Variants in LMX1A observed in about 807,000 individuals in gnomAD.
LMX1A encodes LIM homeobox transcription factor 1-alpha.
Under a neutral mutation model 49.1 loss-of-function variants are expected in LMX1A, and 15 were observed. That is an observed-to-expected ratio of 0.31 (90% confidence interval 0.20 to 0.47). The LOEUF (loss-of-function observed/expected upper bound fraction) is 0.47, where lower values mean the gene tolerates loss of function less well. Among genes scored for constraint, LMX1A ranks in the 20% least tolerant of loss-of-function variants. LMX1A has a pLI of 1.00. For missense variants in LMX1A, 372 were observed against 475.8 expected (o/e 0.78, Z 2.03); for synonymous variants, 167 against 185.7 (o/e 0.90, Z 0.82).
intron 4 of LMX1A, among the ~76,000 whole-genome samples, chr1:165,230,696 C>T (rs555044191): frequency 3.8e-4 from 58 of 152,324 alleles, no homozygotes; most frequent in Admixed American, 2.0e-3. Context: ...TCTAGACTAA[C>T]AATTTCACAT....
At chr1:165,275,233 G>A (rs1423794242) in intron 3 of LMX1A, among the ~76,000 whole-genome samples, 8 of 152,192 alleles carry the variant, frequency 5.3e-5, no homozygotes, top group Admixed American at 5.2e-4. Flanking sequence ...ACAGCCCCGA[G>A]TCCTAGGCTG....
At chr1:165,208,926 C>T (rs141397558) in intron 6 of LMX1A, among the ~76,000 whole-genome samples, 3,833 of 152,286 alleles carry the variant, frequency 0.025, 162 homozygotes, top group African/African-American at 0.087. Flanking sequence ...GGATTACAAG[C>T]GTGAGCCACC....
intron 4 of LMX1A, among the ~76,000 whole-genome samples, chr1:165,217,150 G>A (rs1651670624): frequency 6.6e-6 from 1 of 152,182 alleles, no homozygotes; most frequent in Admixed American, 6.5e-5. Flanking sequence ...TAGCCAACAT[G>A]TAGAGCTGGT....
rs906879791 is a variant in LMX1A, at chr1:165,311,456, G to A, written c.263+41620C>T. Among the ~76,000 whole-genome samples the A allele has an allele frequency of 1.1e-4, 16 of 152,258 alleles. No homozygotes were observed. In the East Asian group the frequency reaches 3.1e-3, roughly 29 times the overall value. On this transcript the variant is annotated intron_variant, in intron 3 of 8. Transcript: ENST00000342310. ...AGGGATGACACGACAGGAGTGGCCT[G>A]CCCCTCAGAACCCCAGGTACTGCAG...
intron 3 of LMX1A, among the ~76,000 whole-genome samples, chr1:165,331,622 G>A (rs1287632482): frequency 1.3e-5 from 2 of 152,116 alleles, no homozygotes; most frequent in Non-Finnish European, 2.9e-5. Context: ...CAAATCTAAA[G>A]AACACAAGGT....
chr1:165,210,902 T>C (rs115716247), intron 5 of LMX1A, 126 bp from the exon 6 acceptor site: 9,930 of 511,876 alleles, frequency 0.019, 133 homozygotes, highest in Non-Finnish European at 0.026. Context: ...TAGTTTTTAA[T>C]GTTGAGCATA....
intron 3 of LMX1A, among the ~76,000 whole-genome samples, chr1:165,289,514 TAA>T (rs1654400022): frequency 6.6e-6 from 1 of 152,224 alleles, no homozygotes; most frequent in Admixed American, 6.5e-5. Flanking sequence ...TCTCCCATAA[TAA>T]GTTTAAAGTA....
intron 3 of LMX1A, among the ~76,000 whole-genome samples, chr1:165,266,099 G>C (rs890695963): frequency 6.6e-6 from 1 of 152,174 alleles, no homozygotes; most frequent in African/African-American, 2.4e-5. Flanking sequence ...AAACACACTA[G>C]GGGAAAATCC....
intron 3 of LMX1A, among the ~76,000 whole-genome samples, chr1:165,291,946 C>T (rs1445981852): frequency 1.3e-5 from 2 of 151,118 alleles, no homozygotes; most frequent in African/African-American, 2.4e-5. Flanking sequence ...CTTGTAGTCC[C>T]AGCTACACGG....
rs1352785080 is a variant in LMX1A at position 165,203,688 on chromosome 1, A to AAAGAGTCCATAAACTCTTATGG, written c.*191_*192insCCATAAGAGTTTATGGACTCTT. The AAAGAGTCCATAAACTCTTATGG allele has an allele frequency of 4.1e-6, 2 of 489,992 alleles. No homozygotes were observed. Among genetic ancestry groups the AAAGAGTCCATAAACTCTTATGG allele is most frequent in the Non-Finnish European group, 7.4e-6 (2 of 271,838 alleles). 30.4% of individuals were successfully genotyped at this position (489,992 alleles called of 1,614,324 possible). The stretch of plus-strand genomic sequence containing the variant: ...GCTAAGACTCTTATTAGAAACATTA[A>AAAGAGTCCATAAACTCTTATGG]ACTATGCAATCCATAATGTATTCAG... On this transcript the variant is annotated 3_prime_UTR_variant, in exon 9 of 9. Coordinates refer to ENST00000342310, the MANE Select transcript of LMX1A (RefSeq NM_177398.4).
chr1:165,232,194 A>T (rs140993853), intron 4 of LMX1A, among the ~76,000 whole-genome samples: 1 of 152,194 alleles, frequency 6.6e-6, no homozygotes, highest in Non-Finnish European at 1.5e-5. Flanking sequence ...AGACCAGGGT[A>T]TGGAGAAGCT....
chr1:165,229,904 G>C (rs116592031), intron 4 of LMX1A, among the ~76,000 whole-genome samples: 2,173 of 152,290 alleles, frequency 0.014, 46 homozygotes, highest in African/African-American at 0.044. Flanking sequence ...GTTATGGACT[G>C]AAGGTTTGTG....
intron 3 of LMX1A, among the ~76,000 whole-genome samples, chr1:165,296,845 T>C (rs1654635259): frequency 6.6e-6 from 1 of 152,250 alleles, no homozygotes; most frequent in Non-Finnish European, 1.5e-5. Context: ...ATTGTGTATA[T>C]TACAAGAAAG....
intron 3 of LMX1A, among the ~76,000 whole-genome samples, chr1:165,254,566 A>T (rs921047732): frequency 7.9e-5 from 12 of 152,188 alleles, no homozygotes; most frequent in Non-Finnish European, 2.9e-5. Context: ...TGCCAGATGT[A>T]TACACAGCTG....
Position 165,356,389 on chromosome 1 carries a change from G to A in LMX1A, c.-57C>T, listed in dbSNP as rs1336288568. The A allele has an allele frequency of 1.3e-5, 2 of 152,224 alleles. No individual in the cohort carries two copies. The highest frequency in any genetic ancestry group is 2.9e-5 in the Non-Finnish European group (2 of 68,036). 9.4% of individuals were successfully genotyped at this position (152,224 alleles called of 1,614,324 possible). ...GAGCTCTCTCCCAGTGACTGGAGCA[G>A]AGAGAAGTTGCGGAGCGCTGCTGGA... is the stretch of plus-strand genomic sequence containing the variant. On this transcript the variant is annotated 5_prime_UTR_variant, in exon 1 of 9. Transcript: ENST00000342310.
intron 3 of LMX1A, among the ~76,000 whole-genome samples, chr1:165,251,066 T>C (rs192771585): frequency 4.3e-4 from 64 of 148,738 alleles, no homozygotes; most frequent in African/African-American, 1.5e-3. Flanking sequence ...TGGCAAGCAA[T>C]TGGGAGTATT....
intron 4 of LMX1A, among the ~76,000 whole-genome samples, chr1:165,226,168 G>A (rs976696485): frequency 6.6e-6 from 1 of 152,194 alleles, no homozygotes; most frequent in Non-Finnish European, 1.5e-5. Flanking sequence ...CCAAGCACAA[G>A]GCCAAGCCTC....
intron 3 of LMX1A, among the ~76,000 whole-genome samples, chr1:165,344,951 G>A (rs1201181340): frequency 2.6e-5 from 4 of 152,344 alleles, no homozygotes; most frequent in African/African-American, 7.2e-5. Context: ...TCAGGCTCAG[G>A]CTGTCGGGTG....
At chr1:165,252,204 T>TAA (rs1375662754) in intron 3 of LMX1A, among the ~76,000 whole-genome samples, 1 of 152,226 alleles carries the variant, frequency 6.6e-6, no homozygotes, top group Non-Finnish European at 1.5e-5. Flanking sequence ...GGGTACTCAC[T>TAA]AAAAGTTGAT....
Sources: allele counts gnomAD v4.1 joint callset (sites outside exome capture counted in the v4.1 genomes callset), GRCh38; gene constraint gnomAD v4.1.1; transcripts MANE v1.5; gene names NCBI Gene and HGNC (gene_info 2026-07-23, HGNC 2026-07-21).